Variants in GNB1 observed in about 807,000 individuals in gnomAD.
The protein encoded by GNB1 is G protein subunit beta 1.
A neutral mutation model predicts 42.9 loss-of-function variants in GNB1; 2 were observed. The ratio of observed to expected loss-of-function variants is 0.05; its 90% CI spans 0.02 to 0.15. GNB1 has a LOEUF of 0.15. Ranked by LOEUF, GNB1 falls within the 10% of genes least tolerant of loss-of-function variation. GNB1 has a pLI of 1.00. For missense variants in GNB1, 193 were observed against 462.2 expected (o/e 0.42, Z 5.34); for synonymous variants, 183 against 174.7 (o/e 1.05, Z -0.38).
chr1:1,817,765 A>G, intron 4 of GNB1, 72 bp downstream of exon 4: 1 of 1,058,524 alleles, frequency 9.4e-7, no homozygotes, highest in Non-Finnish European at 1.5e-6. Context: ...AGCCCTCCCG[A>G]GGCTCCAGGT....
intron 5 of GNB1, among the ~76,000 whole-genome samples, chr1:1,809,322 G>A (rs2100766745): frequency 6.6e-6 from 1 of 151,472 alleles, no homozygotes; most frequent in East Asian, 1.9e-4. Flanking sequence ...TTACAGGTGT[G>A]CACCACCATG....
intron 4 of GNB1, 35 bp from the exon 5 acceptor site, chr1:1,815,897 T>C: frequency 7.8e-7 from 1 of 1,274,698 alleles, no homozygotes; most frequent in African/African-American, 1.5e-5. Context: ...AATCAACATC[T>C]GTGATTAAAC....
At chr1:1,830,609 A>C (rs1647063166) in intron 2 of GNB1, among the ~76,000 whole-genome samples, 1 of 151,994 alleles carries the variant, frequency 6.6e-6, no homozygotes, top group African/African-American at 2.4e-5. Flanking sequence ...CCCAGGGTGG[A>C]GTGAGTGGCA....
chr1:1,825,300 T>G (rs1043649057), intron 3 of GNB1, 97 bp downstream of exon 3: 1 of 841,194 alleles, frequency 1.2e-6, no homozygotes, highest in South Asian at 1.4e-5. Context: ...ATATAAAACA[T>G]AGAACAAGTC....
Position 1,890,855 on chromosome 1 carries a change from C to G in GNB1, c.-131G>C, listed in dbSNP as rs1330243409. On this transcript the variant is annotated 5_prime_UTR_variant, in exon 1 of 12. Coordinates refer to ENST00000378609, the MANE Select transcript of GNB1 (RefSeq NM_002074.5). ...TCGTCGCGGCCTGACGCGCCCACAC[C>G]GCCGCCTCGGCCGCCGCTCGGCAGG... The G allele has an allele frequency of 6.8e-6, 1 of 147,514 alleles. No individual in the cohort carries two copies. The highest frequency in any genetic ancestry group is 2.4e-5 in the African/African-American group (1 of 40,914). 9.1% of individuals were successfully genotyped at this position (147,514 alleles called of 1,614,324 possible).
In GNB1 at chr1:1,785,817, A is replaced by AGGGCCCTCCACATCTG; in HGVS notation, c.*1245_*1246insCAGATGTGGAGGGCCC. 1 of 388,690 alleles carries AGGGCCCTCCACATCTG rather than the reference A, an allele frequency of 2.6e-6. No individual in the cohort carries two copies. Among genetic ancestry groups the AGGGCCCTCCACATCTG allele is most frequent in the Non-Finnish European group, 4.5e-6 (1 of 220,504 alleles). 24.1% of individuals were successfully genotyped at this position (388,690 alleles called of 1,614,324 possible). A position where few individuals can be genotyped will look rare whatever the true frequency, so the allele number is the denominator to read the frequency against. ...TTGCAACAGAACTTTTTTTTTTTTA[A>AGGGCCCTCCACATCTG]AGAAATAAAGAAAACAGTGACTTAT... On this transcript the variant is annotated 3_prime_UTR_variant, in exon 12 of 12. Transcript: ENST00000378609.
chr1:1,805,181 G>A (rs945319627), intron 6 of GNB1, among the ~76,000 whole-genome samples: 1 of 149,892 alleles, frequency 6.7e-6, no homozygotes, highest in Non-Finnish European at 1.5e-5. Context: ...CAAACAGGCC[G>A]GGTGCGGTGG....
At chr1:1,830,466 G>A (rs1300578132) in intron 2 of GNB1, among the ~76,000 whole-genome samples, 1 of 151,064 alleles carries the variant, frequency 6.6e-6, no homozygotes, top group African/African-American at 2.4e-5. Flanking sequence ...TTTCACCGTG[G>A]TCTCCATCTC....
intron 1 of GNB1, among the ~76,000 whole-genome samples, chr1:1,865,047 G>C (rs1648849273): frequency 6.6e-6 from 1 of 152,010 alleles, no homozygotes; most frequent in Admixed American, 6.6e-5. Context: ...CAGATCACAA[G>C]GTCAGGAGAT....
chr1:1,854,100 G>T (rs1360564508), intron 1 of GNB1, among the ~76,000 whole-genome samples: 2 of 152,212 alleles, frequency 1.3e-5, no homozygotes, highest in Non-Finnish European at 2.9e-5. Flanking sequence ...TTGCTTGTTG[G>T]TCGAGGAAGG....
At chr1:1,886,490 A>G (rs571526113) in intron 1 of GNB1, among the ~76,000 whole-genome samples, 1 of 152,260 alleles carries the variant, frequency 6.6e-6, no homozygotes, top group East Asian at 1.9e-4. Context: ...CTCTTCATAC[A>G]CACTCACTCC....
chr1:1,803,137 G>C (rs980512285), intron 7 of GNB1, among the ~76,000 whole-genome samples: 2 of 152,198 alleles, frequency 1.3e-5, no homozygotes, highest in African/African-American at 4.8e-5. Context: ...AAGTACTGGG[G>C]CATAAAATGT....
At position 1,829,694 on chromosome 1, in the gene GNB1, T is replaced by C. The variant is rs529461899; in HGVS notation, c.-46-4195A>G. Among the ~76,000 whole-genome samples the C allele has an allele frequency of 7.2e-5, 11 of 152,206 alleles. No homozygotes were observed. In the South Asian group the frequency reaches 2.3e-3, roughly 32 times the overall value. On this transcript the variant is annotated intron_variant, in intron 2 of 11. Coordinates refer to ENST00000378609, the MANE Select transcript of GNB1 (RefSeq NM_002074.5). ...GAACAGTGTACAAAGCATGATGCTTTTGTGTGTACAAGAAGGACAAACGCC... is the reference window on the plus strand; with the variant it reads ...GAACAGTGTACAAAGCATGATGCTTCTGTGTGTACAAGAAGGACAAACGCC...
At chr1:1,807,480 A>AC (rs1646716086) in intron 5 of GNB1, among the ~76,000 whole-genome samples, 2 of 149,204 alleles carry the variant, frequency 1.3e-5, no homozygotes, top group Non-Finnish European at 3.0e-5. Flanking sequence ...AAAAAAAAAA[A>AC]AAAAAAAAAA....
intron 1 of GNB1, among the ~76,000 whole-genome samples, chr1:1,882,025 G>A (rs938172075): frequency 1.3e-5 from 2 of 152,086 alleles, no homozygotes; most frequent in Non-Finnish European, 1.5e-5. Context: ...ACAGGGTGGT[G>A]TCCCTGGGAG....
chr1:1,873,814 T>C (rs1649379392), intron 1 of GNB1, among the ~76,000 whole-genome samples: 1 of 152,154 alleles, frequency 6.6e-6, no homozygotes, highest in Non-Finnish European at 1.5e-5. Context: ...CAAGACTCCA[T>C]CTTAAATAAA....
chr1:1,825,131 G>A (rs1315564358), intron 3 of GNB1: 5 of 356,398 alleles, frequency 1.4e-5, no homozygotes, highest in African/African-American at 2.1e-5. Context: ...TCAAGGTTAT[G>A]ATAAAGAATG....
At chr1:1,862,809 G>A (rs1361620037) in intron 1 of GNB1, among the ~76,000 whole-genome samples, 1 of 152,112 alleles carries the variant, frequency 6.6e-6, no homozygotes, top group Admixed American at 6.6e-5. Context: ...AGAAAGGTAA[G>A]GAAGCTGAGG....
chr1:1,876,407 T>C (rs575297432), intron 1 of GNB1, among the ~76,000 whole-genome samples: 305 of 151,564 alleles, frequency 2.0e-3, no homozygotes, highest in African/African-American at 6.8e-3. Flanking sequence ...CACCTTAGCC[T>C]CCTGGATAGC....
Sources: gnomAD v4.1 joint callset for allele counts (sites outside exome capture counted in the v4.1 genomes callset) on GRCh38, gnomAD v4.1.1 for gene constraint, MANE v1.5 for transcripts, NCBI Gene and HGNC (gene_info 2026-07-23, HGNC 2026-07-21) for gene names.